The following ALK variants were observed in gnomAD, a reference collection of about 807,000 sequenced individuals.
The protein encoded by ALK is ALK tyrosine kinase receptor.
ALK carries 74 observed loss-of-function variants against 163.1 expected under a neutral mutation model. The observed-to-expected ratio is 0.45, with a 90% confidence interval of 0.38 to 0.55. The LOEUF is 0.55. Among genes scored for constraint, ALK ranks in the 20% least tolerant of loss-of-function variants. The probability of loss-of-function intolerance (pLI) is 0.00; values close to 1 mark genes in which losing one functional copy is unlikely to be tolerated. For synonymous variants in ALK, 960 were observed against 843.2 expected, an observed-to-expected ratio of 1.14 and a Z score of -2.40; for missense variants, 2,063 against 2,105.3, an observed-to-expected ratio of 0.98 and a Z score of 0.39.
chr2:29,226,805 G>T (rs2148178009), intron 18 of ALK, 117 bp downstream of exon 18: 3 of 1,300,252 alleles, frequency 2.3e-6, no homozygotes, highest in Non-Finnish European at 3.3e-6. Context: ...GGTAGGGGAG[G>T]GACAGAAAGT....
chr2:29,525,514 G>A (rs1030381011), intron 4 of ALK, among the ~76,000 whole-genome samples: 4 of 152,134 alleles, frequency 2.6e-5, no homozygotes, highest in Middle Eastern at 3.4e-3. Context: ...GACTCGGGCC[G>A]GGTGCGGTGG....
In ALK at chr2:29,523,769, G is replaced by A. The variant is rs1049607299; in HGVS notation, c.1154+8146C>T. On this transcript the variant is annotated intron_variant, in intron 4 of 28. Transcript: ENST00000389048. ...CAATCCATCAAACATCCAGGGCAGA[G>A]TGAGAAAGCAAAAGCAGCAGCTCAA... Among the ~76,000 whole-genome samples the A allele has an allele frequency of 9.9e-5, 15 of 151,340 alleles. No homozygotes were observed. The South Asian group carries it at 3.2e-3, about 32-fold the overall frequency.
chr2:29,851,150 T>C (rs973520515), intron 1 of ALK, among the ~76,000 whole-genome samples: 4 of 152,240 alleles, frequency 2.6e-5, no homozygotes, highest in African/African-American at 9.6e-5. Flanking sequence ...ATTAAGACAA[T>C]TAACTGCCCT....
chr2:29,637,090 G>A (rs1676556439), intron 3 of ALK, among the ~76,000 whole-genome samples: 1 of 152,130 alleles, frequency 6.6e-6, no homozygotes, highest in Non-Finnish European at 1.5e-5. Context: ...TCCTGAAAAT[G>A]TATTCCAGAG....
intron 4 of ALK, among the ~76,000 whole-genome samples, chr2:29,471,343 A>G (rs1360323385): frequency 6.6e-6 from 1 of 152,234 alleles, no homozygotes; most frequent in Admixed American, 6.5e-5. Flanking sequence ...AGAAGGAAAA[A>G]TTACAGGTCA....
At chr2:29,679,270 T>C (rs193153464) in intron 3 of ALK, among the ~76,000 whole-genome samples, 19 of 152,042 alleles carry the variant, frequency 1.2e-4, no homozygotes, top group Admixed American at 5.2e-4. Flanking sequence ...GTCCCTCTTC[T>C]AGAAAACATA....
At chr2:29,518,438 C>T (rs1005910820) in intron 4 of ALK, among the ~76,000 whole-genome samples, 3 of 152,190 alleles carry the variant, frequency 2.0e-5, no homozygotes, top group Admixed American at 1.3e-4. Context: ...GCAAGAAAAA[C>T]TTGAGGATTC....
At chr2:29,450,682 A>C (rs1420969214) in intron 4 of ALK, among the ~76,000 whole-genome samples, 1 of 152,218 alleles carries the variant, frequency 6.6e-6, no homozygotes, top group Non-Finnish European at 1.5e-5. Flanking sequence ...CTACTGATTC[A>C]TGGAGGTGAG....
intron 1 of ALK, among the ~76,000 whole-genome samples, chr2:29,827,354 G>A (rs916826024): frequency 6.6e-6 from 1 of 152,176 alleles, no homozygotes; most frequent in African/African-American, 2.4e-5. Context: ...CCTTCAAAGA[G>A]GTCAGACATT....
chr2:29,656,931 A>G (rs747637952), intron 3 of ALK, among the ~76,000 whole-genome samples: 8 of 152,180 alleles, frequency 5.3e-5, no homozygotes, highest in Non-Finnish European at 1.0e-4. Context: ...TGCTTATATA[A>G]AGGGCATGGT....
intron 3 of ALK, 83 bp downstream of exon 3, chr2:29,694,767 G>T: frequency 6.5e-7 from 1 of 1,539,658 alleles, no homozygotes. Context: ...GAACAGGAGT[G>T]AAGTCTCATC....
At chr2:29,718,605 G>A (rs769845508) in intron 1 of ALK, among the ~76,000 whole-genome samples, 5 of 152,162 alleles carry the variant, frequency 3.3e-5, no homozygotes, top group African/African-American at 7.2e-5. Flanking sequence ...TAGCTTCCCC[G>A]GAACAGACGC....
chr2:29,827,720 T>C (rs1209765222), intron 1 of ALK, among the ~76,000 whole-genome samples: 1 of 152,136 alleles, frequency 6.6e-6, no homozygotes, highest in Non-Finnish European at 1.5e-5. Flanking sequence ...AGAATCAATA[T>C]CGTGAAAATG....
At chr2:29,723,032 T>C (rs1679465858) in intron 1 of ALK, among the ~76,000 whole-genome samples, 1 of 152,202 alleles carries the variant, frequency 6.6e-6, no homozygotes, top group African/African-American at 2.4e-5. Context: ...ATTATTGCTA[T>C]GAGCTCAAAG....
intron 1 of ALK, among the ~76,000 whole-genome samples, chr2:29,770,344 A>G (rs1315570740): frequency 6.6e-6 from 1 of 152,234 alleles, no homozygotes; most frequent in Non-Finnish European, 1.5e-5. Context: ...GGTACTGACC[A>G]CAAGATTCTC....
intron 3 of ALK, among the ~76,000 whole-genome samples, chr2:29,540,869 T>G (rs1673394703): frequency 6.6e-6 from 1 of 152,176 alleles, no homozygotes; most frequent in Admixed American, 6.5e-5. Context: ...GCAAATTATA[T>G]ATAAACAGCC....
chr2:29,588,568 G>A (rs957465429), intron 3 of ALK, among the ~76,000 whole-genome samples: 9 of 152,128 alleles, frequency 5.9e-5, no homozygotes, highest in African/African-American at 1.9e-4. Context: ...CTCTAGATTT[G>A]GGGATTGTGG....
intron 1 of ALK, among the ~76,000 whole-genome samples, chr2:29,795,475 C>G (rs1664285432): frequency 6.6e-6 from 1 of 152,048 alleles, no homozygotes; most frequent in South Asian, 2.1e-4. Context: ...TCATCGAAAT[C>G]CATCCCAAGA....
intron 3 of ALK, among the ~76,000 whole-genome samples, chr2:29,692,423 C>G (rs1438401457): frequency 6.6e-6 from 1 of 152,198 alleles, no homozygotes; most frequent in African/African-American, 2.4e-5. Flanking sequence ...GGACTAGTTT[C>G]TTGGAAGACA....
Sources: allele counts gnomAD v4.1 joint callset (sites outside exome capture counted in the v4.1 genomes callset), GRCh38; gene constraint gnomAD v4.1.1; transcripts MANE v1.5; gene names NCBI Gene and HGNC (gene_info 2026-07-23, HGNC 2026-07-21).